INSIG2: variants seen among roughly 807,000 people sequenced by gnomAD.
INSIG2 encodes the protein insulin induced gene 2.
In INSIG2, 10 loss-of-function variants were observed where a neutral mutation model predicts 27.2. That is an observed-to-expected ratio of 0.37 (90% CI 0.23 to 0.62). INSIG2 has a LOEUF of 0.62. INSIG2 is among the 20% of genes least tolerant of loss of function. The pLI, the probability that INSIG2 is intolerant of heterozygous loss-of-function variation, is 0.65. For synonymous variants in INSIG2, 97 were observed against 95.8 expected, an observed-to-expected ratio of 1.01 and a Z score of -0.07; for missense variants, 178 against 270.2, an observed-to-expected ratio of 0.66 and a Z score of 2.39.
intron 3 of INSIG2, among the ~76,000 whole-genome samples, chr2:118,105,292 C>T (rs1159023690): frequency 1.3e-5 from 2 of 152,174 alleles, no homozygotes; most frequent in Admixed American, 1.3e-4. Flanking sequence ...TCGCCCACCT[C>T]GGTCTCTCAA....
rs1261138112 is a variant in INSIG2, at chr2:118,094,100, AT to A, written c.-138-2318del. Among the ~76,000 whole-genome samples, 12 of 89,904 alleles carry A rather than the reference AT, an allele frequency of 1.3e-4. 1 individual carries two copies. Among genetic ancestry groups the A allele is most frequent in the South Asian group, 8.8e-4 (2 of 2,278 alleles). 59.0% of individuals were successfully genotyped at this position (89,904 alleles called of 152,430 possible). On this transcript the variant is annotated intron_variant, in intron 1 of 5. Transcript: ENST00000245787. ...TGCTGAAAGCAACCAGATGATGATG[AT>A]GATGAGGAGGAGGAGGAGGAGGAGG...
chr2:118,094,612 T>C (rs1678365456), intron 1 of INSIG2, among the ~76,000 whole-genome samples: 1 of 152,182 alleles, frequency 6.6e-6, no homozygotes. Flanking sequence ...CATTATAGAC[T>C]AAGTAGGTCA....
At chr2:118,090,240 G>C (rs1388495537) in intron 1 of INSIG2, among the ~76,000 whole-genome samples, 1 of 152,212 alleles carries the variant, frequency 6.6e-6, no homozygotes, top group Non-Finnish European at 1.5e-5. Context: ...AGGGTTATCT[G>C]AGGGAGTAAA....
intron 1 of INSIG2, among the ~76,000 whole-genome samples, chr2:118,090,061 G>A (rs932429379): frequency 5.3e-5 from 8 of 152,098 alleles, no homozygotes; most frequent in Non-Finnish European, 7.4e-5. Flanking sequence ...TTTTTATTTA[G>A]GGAGCATTAA....
At chr2:118,105,245 G>A (rs868301958) in intron 3 of INSIG2, among the ~76,000 whole-genome samples, 1 of 152,116 alleles carries the variant, frequency 6.6e-6, no homozygotes, top group South Asian at 2.1e-4. Flanking sequence ...GTTTCACCAT[G>A]TTAGCCAGGA....
intron 3 of INSIG2, among the ~76,000 whole-genome samples, chr2:118,105,058 T>G (rs887522064): frequency 6.6e-6 from 1 of 152,212 alleles, no homozygotes; most frequent in Non-Finnish European, 1.5e-5. Context: ...TTTTATTTTT[T>G]GAGACGGAGT....
intron 1 of INSIG2, among the ~76,000 whole-genome samples, chr2:118,089,139 T>G (rs1276028022): frequency 3.9e-5 from 6 of 152,132 alleles, no homozygotes; most frequent in Non-Finnish European, 8.8e-5. Flanking sequence ...TACTAGATTT[T>G]AGGGTTGCTT....
At chr2:118,093,497 AGATGATGATGAT>A (rs528407055) in intron 1 of INSIG2, among the ~76,000 whole-genome samples, 189 of 620 alleles carry the variant, frequency 0.3, 31 homozygotes, top group Non-Finnish European at 0.34. Context: ...AAAAGCAACC[AGATGATGATGAT>A]GATGATGATG....
chr2:118,108,473 C>T lies in INSIG2; in HGVS notation c.*151C>T, dbSNP rs1180582592. On this transcript the variant is annotated 3_prime_UTR_variant, in exon 6 of 6. Coordinates refer to ENST00000245787, the MANE Select transcript of INSIG2 (RefSeq NM_016133.4). Reference sequence around the variant, plus strand: ...GTATATATGGATAAATATATATATACACACACACATATTACTGCAATCTGT... The same window carrying T: ...GTATATATGGATAAATATATATATATACACACACATATTACTGCAATCTGT... 3.3e-5 allele frequency: 17 copies of T among 516,766 alleles called. No homozygotes were observed. In the East Asian group the frequency reaches 6.0e-4, roughly 18 times the overall value. The allele number at this position is 516,766 out of a possible 1,614,324, so 32.0% of individuals were successfully genotyped here.
Position 118,108,424 on chromosome 2 carries a change from G to T in INSIG2, c.*102G>T. ...CAGACTGTAAAATTGCCAGGATGCA[G>T]TTTTCCCCTTGATTGGCGTGTGTGT... is the stretch of plus-strand genomic sequence containing the variant. On this transcript the variant is annotated 3_prime_UTR_variant, in exon 6 of 6. Coordinates refer to ENST00000245787, the MANE Select transcript of INSIG2 (RefSeq NM_016133.4). 1 of 827,964 alleles carries T rather than the reference G, an allele frequency of 1.2e-6. No homozygotes were observed. The highest frequency in any genetic ancestry group is 1.5e-5 in the South Asian group (1 of 65,928). 51.3% of individuals were successfully genotyped at this position (827,964 alleles called of 1,614,324 possible). A position where few individuals can be genotyped will look rare whatever the true frequency, so the allele number is the denominator to read the frequency against.
intron 1 of INSIG2, among the ~76,000 whole-genome samples, chr2:118,090,273 A>G (rs966975984): frequency 5.9e-5 from 9 of 152,206 alleles, no homozygotes; most frequent in Non-Finnish European, 1.2e-4. Context: ...ACGGCTAATC[A>G]TTGGAAGAGG....
chr2:118,104,009 C>T (rs940407935), intron 3 of INSIG2, among the ~76,000 whole-genome samples: 2 of 152,144 alleles, frequency 1.3e-5, no homozygotes, highest in South Asian at 4.1e-4. Flanking sequence ...GGTTTTCCTC[C>T]TATCATCCTC....
rs1678788824 is a variant in INSIG2, at chr2:118,110,568, A to T, written c.*2246A>T. On this transcript the variant is annotated 3_prime_UTR_variant, in exon 6 of 6. Transcript: ENST00000245787. ...CTGTGTGTGGTATCGGTGAGACTGA[A>T]TGATTATCGTTGGTGTTCTTAAATT... is the stretch of plus-strand genomic sequence containing the variant. 6.6e-6 allele frequency: 1 copy of T among 152,192 alleles called. No individual in the cohort carries two copies. The highest frequency in any genetic ancestry group is 1.5e-5 in the Non-Finnish European group (1 of 68,028). The allele number at this position is 152,192 out of a possible 1,614,324, so 9.4% of individuals were successfully genotyped here. A position where few individuals can be genotyped will look rare whatever the true frequency, so the allele number is the denominator to read the frequency against.
chr2:118,095,736 C>T (rs1271092022), intron 1 of INSIG2, among the ~76,000 whole-genome samples: 1 of 152,088 alleles, frequency 6.6e-6, no homozygotes, highest in Non-Finnish European at 1.5e-5. Flanking sequence ...TCTTACAATC[C>T]CTTCTGTGAT....
intron 2 of INSIG2, among the ~76,000 whole-genome samples, chr2:118,097,383 G>C (rs1173324965): frequency 6.6e-6 from 1 of 152,160 alleles, no homozygotes; most frequent in African/African-American, 2.4e-5. Flanking sequence ...ATAAAAACTT[G>C]AATAATTAAA....
chr2:118,106,128 T>G (rs2104539601), intron 3 of INSIG2, among the ~76,000 whole-genome samples: 1 of 152,326 alleles, frequency 6.6e-6, no homozygotes, highest in East Asian at 1.9e-4. Flanking sequence ...CAAGGCTTTA[T>G]CCTCAACAAA....
chr2:118,092,859 AGATGATGAT>A (rs760155161), intron 1 of INSIG2, among the ~76,000 whole-genome samples: 14 of 148,136 alleles, frequency 9.5e-5, no homozygotes, highest in African/African-American at 1.2e-4. Flanking sequence ...AAAAGCAACC[AGATGATGAT>A]GATGATGATG....
chr2:118,106,914 A>C lies in INSIG2; in HGVS notation c.536+11A>C. 1 of 1,612,126 alleles carries C rather than the reference A, an allele frequency of 6.2e-7. No homozygotes were observed. The highest frequency in any genetic ancestry group is 8.5e-7 in the Non-Finnish European group (1 of 1,178,696). ...TAATGGTGTTTACCAGTAAGTATTA[A>C]TCCTTCAATTTTTGGTGCTTGTTTG... On this transcript the variant is annotated intron_variant, in intron 4 of 5. Coordinates refer to ENST00000245787, the MANE Select transcript of INSIG2 (RefSeq NM_016133.4).
intron 1 of INSIG2, among the ~76,000 whole-genome samples, chr2:118,091,815 C>T (rs896929142): frequency 7.9e-5 from 12 of 152,114 alleles, no homozygotes; most frequent in African/African-American, 2.9e-4. Context: ...TGGTAGAAAA[C>T]ATAAATAAAC....
Sources: allele counts gnomAD v4.1 joint callset (sites outside exome capture counted in the v4.1 genomes callset), GRCh38; gene constraint gnomAD v4.1.1; transcripts MANE v1.5; gene names NCBI Gene and HGNC (gene_info 2026-07-23, HGNC 2026-07-21).